Variants in NELL2 observed in about 807,000 individuals in gnomAD.
The protein encoded by NELL2 is protein kinase C-binding protein NELL2.
A neutral mutation model predicts 109.6 loss-of-function variants in NELL2; 41 were observed. That is an observed-to-expected ratio of 0.37 (90% CI 0.29 to 0.49). NELL2 has a LOEUF of 0.49. Ranked by LOEUF, NELL2 falls within the 20% of genes least tolerant of loss-of-function variation. The pLI, the probability that NELL2 is intolerant of heterozygous loss-of-function variation, is 0.98. For missense variants in NELL2, 900 were observed against 1,008.3 expected, an observed-to-expected ratio of 0.89 and a Z score of 1.45; for synonymous variants, 355 against 344.7, an observed-to-expected ratio of 1.03 and a Z score of -0.33.
At chr12:44,837,343 G>A (rs997996789) in intron 2 of NELL2, among the ~76,000 whole-genome samples, 2 of 152,158 alleles carry the variant, frequency 1.3e-5, no homozygotes, top group Non-Finnish European at 2.9e-5. Context: ...ATGTCCTCCA[G>A]GGGAACCTCA....
intron 15 of NELL2, among the ~76,000 whole-genome samples, chr12:44,547,174 G>A (rs1319634453): frequency 6.6e-6 from 1 of 152,144 alleles, no homozygotes; most frequent in Non-Finnish European, 1.5e-5. Flanking sequence ...ACTATAAAAA[G>A]GCTTGGTACG....
chr12:44,630,678 G>A (rs528808077), intron 13 of NELL2, among the ~76,000 whole-genome samples: 31 of 152,128 alleles, frequency 2.0e-4, no homozygotes, highest in African/African-American at 6.7e-4. Context: ...CCCACTTTAC[G>A]AAGAATGAGG....
chr12:44,690,091 A>G (rs1028400572), intron 12 of NELL2, among the ~76,000 whole-genome samples: 1 of 152,202 alleles, frequency 6.6e-6, no homozygotes, highest in Non-Finnish European at 1.5e-5. Context: ...TTGCCTGGGA[A>G]GCTTGTAAAA....
chr12:44,647,536 A>G (rs1947137248), intron 13 of NELL2, among the ~76,000 whole-genome samples: 1 of 152,128 alleles, frequency 6.6e-6, no homozygotes, highest in South Asian at 2.1e-4. Context: ...AATCAAACAG[A>G]TTTAATTAAG....
At chr12:44,711,128 T>C (rs1305002599) in intron 11 of NELL2, among the ~76,000 whole-genome samples, 164 bp downstream of exon 11, 1 of 152,138 alleles carries the variant, frequency 6.6e-6, no homozygotes, top group Non-Finnish European at 1.5e-5. Context: ...AAATATTTCA[T>C]GACTACCTAC....
At chr12:44,837,921 A>G (rs1944105161) in intron 2 of NELL2, among the ~76,000 whole-genome samples, 1 of 152,188 alleles carries the variant, frequency 6.6e-6, no homozygotes, top group Non-Finnish European at 1.5e-5. Flanking sequence ...TTATTATAAT[A>G]CCCTAAAATC....
chr12:44,718,894 T>C (rs1314247876), intron 9 of NELL2, among the ~76,000 whole-genome samples: 1 of 152,166 alleles, frequency 6.6e-6, no homozygotes, highest in Non-Finnish European at 1.5e-5. Context: ...ATTCACATCA[T>C]GGTCTGTGTG....
intron 13 of NELL2, among the ~76,000 whole-genome samples, chr12:44,642,555 G>A (rs1432872252): frequency 6.6e-6 from 1 of 152,136 alleles, no homozygotes; most frequent in Non-Finnish European, 1.5e-5. Context: ...ATACAACAGT[G>A]TATCTACAGT....
chr12:44,538,351 C>A (rs564192865), intron 15 of NELL2, among the ~76,000 whole-genome samples: 1 of 152,204 alleles, frequency 6.6e-6, no homozygotes, highest in Non-Finnish European at 1.5e-5. Context: ...CGAGGCCTCA[C>A]AGGAGAAGCA....
intron 15 of NELL2, among the ~76,000 whole-genome samples, chr12:44,578,657 C>A (rs1259842859): frequency 3.3e-5 from 5 of 149,398 alleles, no homozygotes; most frequent in African/African-American, 1.2e-4. Flanking sequence ...CAACAAAAAA[C>A]TCCAGGAGAG....
intron 12 of NELL2, among the ~76,000 whole-genome samples, chr12:44,695,559 T>G (rs544187878): frequency 4.9e-4 from 74 of 152,168 alleles, no homozygotes; most frequent in African/African-American, 1.8e-3. Context: ...TAGCCGGGCA[T>G]GATGGCACAG....
intron 12 of NELL2, among the ~76,000 whole-genome samples, chr12:44,693,138 C>T (rs950694811): frequency 6.6e-6 from 1 of 152,128 alleles, no homozygotes; most frequent in Non-Finnish European, 1.5e-5. Context: ...ATTTCCACAG[C>T]CATCCTAACC....
rs759396711 is a variant in NELL2, at chr12:44,714,669, C to T, written c.1067G>A (p.Cys356Tyr). ...TCTTACCTTGCACTCATAGAGAACA[C>T]ATACTCCAGAAGAGGAATAGACTGT... ...RNTVYSSSGV[C>Y]VLYECKDQTM... is the part of the protein sequence containing the mutation. The change falls in exon 10 of 20, where the codon TGT (cysteine) becomes TAT (tyrosine). Residue 356 changes from cysteine to tyrosine, a missense_variant. Around this residue, in one of 4 missense-constraint regions of NELL2, gnomAD observed 292 missense variants for 265.3 expected, o/e 1.10. Transcript: ENST00000429094. 1.3e-6 allele frequency: 2 copies of T among 1,596,696 alleles called. No homozygotes were observed. Among genetic ancestry groups the T allele is most frequent in the Admixed American group, 1.8e-5 (1 of 55,728 alleles).
chr12:44,708,731 C>T (rs1444592611), intron 11 of NELL2, among the ~76,000 whole-genome samples: 1 of 152,086 alleles, frequency 6.6e-6, no homozygotes, highest in African/African-American at 2.4e-5. Flanking sequence ...ATTATCTAAG[C>T]CAGTGGTTCA....
chr12:44,787,668 T>A (rs1177410860), intron 3 of NELL2, among the ~76,000 whole-genome samples: 1 of 152,118 alleles, frequency 6.6e-6, no homozygotes, highest in African/African-American at 2.4e-5. Flanking sequence ...CCAACTGATT[T>A]TTTTACAAAA....
intron 13 of NELL2, among the ~76,000 whole-genome samples, chr12:44,636,936 T>C (rs1371820444): frequency 6.6e-6 from 1 of 152,140 alleles, no homozygotes; most frequent in Non-Finnish European, 1.5e-5. Flanking sequence ...CAGACCTTGT[T>C]ATTGTTATAT....
chr12:44,786,315 A>G (rs1942169407), intron 3 of NELL2, among the ~76,000 whole-genome samples: 1 of 152,208 alleles, frequency 6.6e-6, no homozygotes, highest in African/African-American at 2.4e-5. Flanking sequence ...GAAAATGAAA[A>G]CCACAATGAG....
chr12:44,610,633 G>A (rs1945584518), intron 14 of NELL2, among the ~76,000 whole-genome samples: 1 of 152,002 alleles, frequency 6.6e-6, no homozygotes, highest in Non-Finnish European at 1.5e-5. Context: ...AGGAACATTA[G>A]GTCAAAGGAG....
At chr12:44,749,923 G>C (rs1940569765) in intron 9 of NELL2, among the ~76,000 whole-genome samples, 1 of 151,702 alleles carries the variant, frequency 6.6e-6, no homozygotes, top group South Asian at 2.1e-4. Context: ...CAAACAACAA[G>C]GTAATTATTA....
Sources: allele counts gnomAD v4.1 joint callset (sites outside exome capture counted in the v4.1 genomes callset), GRCh38; gene constraint gnomAD v4.1.1; regional missense constraint gnomAD v4.1.1; transcripts MANE v1.5; gene names NCBI Gene and HGNC (gene_info 2026-07-23, HGNC 2026-07-21).